Variants in PLCE1 observed in about 807,000 individuals in gnomAD.
The protein encoded by PLCE1 is phospholipase C epsilon 1, also known as 1-phosphatidylinositol 4,5-bisphosphate phosphodiesterase epsilon-1.
A neutral mutation model predicts 242.8 loss-of-function variants in PLCE1; 119 were observed. The observed-to-expected ratio is 0.49, with a 90% CI of 0.42 to 0.57. The LOEUF (loss-of-function observed/expected upper bound fraction) is 0.57, where lower values mean the gene tolerates loss of function less well. Among genes scored for constraint, PLCE1 ranks in the 20% least tolerant of loss-of-function variants. The pLI, the probability that PLCE1 is intolerant of heterozygous loss-of-function variation, is 0.00. For synonymous variants in PLCE1, 945 were observed against 1,017.4 expected, an observed-to-expected ratio of 0.93 and a Z score of 1.35; for missense variants, 2,441 against 2,788.8, an observed-to-expected ratio of 0.88 and a Z score of 2.81.
At chr10:94,140,404 G>A (rs1053796756) in intron 3 of PLCE1, among the ~76,000 whole-genome samples, 88 of 151,686 alleles carry the variant, frequency 5.8e-4, no homozygotes, top group African/African-American at 8.5e-4. Context: ...TTAACCAGGC[G>A]TGGTGGCATA....
chr10:94,073,580 G>T (rs895405340), intron 2 of PLCE1, among the ~76,000 whole-genome samples: 14 of 152,178 alleles, frequency 9.2e-5, no homozygotes, highest in African/African-American at 3.1e-4. Context: ...GAAGCCAATC[G>T]ATCAATTTAG....
At chr10:94,251,552 T>A (rs2137610380) in intron 8 of PLCE1, among the ~76,000 whole-genome samples, 1 of 152,334 alleles carries the variant, frequency 6.6e-6, no homozygotes, top group Non-Finnish European at 1.5e-5. Flanking sequence ...CATAGGCAAC[T>A]TTTTGTGGTT....
chr10:94,308,104 C>T (rs959682096), intron 26 of PLCE1, among the ~76,000 whole-genome samples: 20 of 152,136 alleles, frequency 1.3e-4, no homozygotes, highest in African/African-American at 4.8e-4. Flanking sequence ...AGTGAGCAAC[C>T]TTTCATGTTA....
intron 2 of PLCE1, among the ~76,000 whole-genome samples, chr10:94,032,634 GT>G (rs146051406): frequency 4.6e-5 from 7 of 151,342 alleles, no homozygotes; most frequent in African/African-American, 1.5e-4. Context: ...ACTTAATTCT[GT>G]TTTTTTTCAT....
At chr10:94,113,856 G>A (rs1041517535) in intron 2 of PLCE1, among the ~76,000 whole-genome samples, 1 of 152,128 alleles carries the variant, frequency 6.6e-6, no homozygotes, top group Admixed American at 6.5e-5. Flanking sequence ...TGGACAGTGA[G>A]GGGTTACTGA....
At chr10:94,079,504 C>A (rs926580965) in intron 2 of PLCE1, among the ~76,000 whole-genome samples, 1 of 151,994 alleles carries the variant, frequency 6.6e-6, no homozygotes, top group African/African-American at 2.4e-5. Flanking sequence ...ATGTAGATGA[C>A]GTGTTGTTGG....
intron 22 of PLCE1, among the ~76,000 whole-genome samples, chr10:94,285,851 A>G (rs552352476): frequency 3.9e-5 from 6 of 152,156 alleles, no homozygotes; most frequent in Non-Finnish European, 7.3e-5. Flanking sequence ...CGTTTTTAGA[A>G]GTACAGTGGA....
In PLCE1 at chr10:94,298,686, C is replaced by T; in HGVS notation, c.5458+17C>T. ...AGACTGATGGTAAGGGGCCTGCATG[C>T]TCACCTCGCTCCTTTGCATCTTACA... On this transcript the variant is annotated intron_variant, in intron 24 of 32. Coordinates refer to ENST00000371380, the MANE Select transcript of PLCE1 (RefSeq NM_016341.4). This position sits in a 1 kb window ranked among gnomAD's most constrained non-coding sequence, Gnocchi z 5.2. 6.2e-7 allele frequency: 1 copy of T among 1,613,444 alleles called. No homozygotes were observed.
At chr10:94,162,199 T>C (rs2047639681) in intron 3 of PLCE1, among the ~76,000 whole-genome samples, 2 of 152,256 alleles carry the variant, frequency 1.3e-5, no homozygotes, top group Admixed American at 6.5e-5. Context: ...TTCCCTCTTT[T>C]CCTATTGATT....
At chr10:94,018,008 C>T (rs113282529) in intron 1 of PLCE1, among the ~76,000 whole-genome samples, 4 of 152,134 alleles carry the variant, frequency 2.6e-5, no homozygotes, top group African/African-American at 7.2e-5. Flanking sequence ...ATGTTTATCT[C>T]GTCCAGAGTG....
Position 94,329,205 on chromosome 10 carries a change from T to C in PLCE1, c.*1262T>C, listed in dbSNP as rs2054127889. On this transcript the variant is annotated 3_prime_UTR_variant, in exon 33 of 33. Coordinates refer to ENST00000371380, the MANE Select transcript of PLCE1 (RefSeq NM_016341.4). Reference sequence around the variant, plus strand: ...TCCAAGTCATACTTGCCATTTAATGTAAATTATTTTTAAACTTTGCTGTAC... The same window carrying C: ...TCCAAGTCATACTTGCCATTTAATGCAAATTATTTTTAAACTTTGCTGTAC... The C allele has an allele frequency of 6.6e-6, 1 of 152,234 alleles. No homozygotes were observed. The allele number at this position is 152,234 out of a possible 1,614,324, so 9.4% of individuals were successfully genotyped here. A position where few individuals can be genotyped will look rare whatever the true frequency, so the allele number is the denominator to read the frequency against.
chr10:94,111,885 GT>G (rs1417073645), intron 2 of PLCE1, among the ~76,000 whole-genome samples: 4 of 152,168 alleles, frequency 2.6e-5, no homozygotes, highest in Non-Finnish European at 5.9e-5. Flanking sequence ...GTTTATAAAG[GT>G]TTATGGCTGT....
chr10:94,184,846 A>T (rs75038839), intron 4 of PLCE1, among the ~76,000 whole-genome samples: 1 of 147,836 alleles, frequency 6.8e-6, no homozygotes, highest in Non-Finnish European at 1.5e-5. Flanking sequence ...TGACTTGCTT[A>T]TTTTTTTTTT....
chr10:94,039,390 T>C (rs1420429003), intron 2 of PLCE1, among the ~76,000 whole-genome samples: 2 of 152,030 alleles, frequency 1.3e-5, no homozygotes, highest in Admixed American at 1.3e-4. Flanking sequence ...ATCTTTTTTT[T>C]TTTTTCCCGG....
intron 2 of PLCE1, among the ~76,000 whole-genome samples, chr10:94,084,555 G>A (rs1418121400): frequency 6.6e-6 from 1 of 152,206 alleles, no homozygotes; most frequent in East Asian, 1.9e-4. Flanking sequence ...ACAGTTTAAT[G>A]TGAGCCCTCA....
intron 2 of PLCE1, among the ~76,000 whole-genome samples, chr10:94,080,409 A>G (rs914939960): frequency 5.3e-5 from 8 of 152,104 alleles, no homozygotes; most frequent in African/African-American, 1.9e-4. Flanking sequence ...AAGATCAGCT[A>G]TTAGTTGTGA....
chr10:94,139,785 T>A (rs2046898059), intron 3 of PLCE1, among the ~76,000 whole-genome samples: 1 of 152,052 alleles, frequency 6.6e-6, no homozygotes, highest in African/African-American at 2.4e-5. Context: ...CATATAGTAG[T>A]TTTGGAAAGG....
intron 2 of PLCE1, among the ~76,000 whole-genome samples, chr10:94,053,885 CTTTA>C (rs1031381952): frequency 1.3e-5 from 2 of 152,120 alleles, no homozygotes; most frequent in Non-Finnish European, 2.9e-5. Context: ...ATTAGTTTTT[CTTTA>C]TTTTTTTTAT....
intron 22 of PLCE1, among the ~76,000 whole-genome samples, chr10:94,290,100 C>G (rs2052593313): frequency 6.6e-6 from 1 of 152,162 alleles, no homozygotes; most frequent in East Asian, 1.9e-4. Context: ...AATCATGGCT[C>G]ACCGTAACCT....
Sources: gnomAD v4.1 joint callset for allele counts (sites outside exome capture counted in the v4.1 genomes callset) on GRCh38, gnomAD v4.1.1 for gene constraint, Gnocchi (gnomAD v3.1) non-coding constraint, MANE v1.5 for transcripts, NCBI Gene and HGNC (gene_info 2026-07-23, HGNC 2026-07-21) for gene names.